The following PID1 variants were observed in gnomAD, a reference collection of about 807,000 sequenced individuals.
PID1 encodes the protein PTB-containing, cubilin and LRP1-interacting protein.
PID1 carries 10 observed loss-of-function variants against 19.1 expected under a neutral mutation model. The ratio of observed to expected loss-of-function variants is 0.52; its 90% CI spans 0.32 to 0.89. The LOEUF (loss-of-function observed/expected upper bound fraction) is 0.89. Ranked by LOEUF, PID1 falls within the 40% of genes least tolerant of loss-of-function variation. PID1 has a pLI of 0.03. For missense variants in PID1, 248 were observed against 285.3 expected, an observed-to-expected ratio of 0.87 and a Z score of 0.94; for synonymous variants, 130 against 116.0, an observed-to-expected ratio of 1.12 and a Z score of -0.78.
intron 2 of PID1, among the ~76,000 whole-genome samples, chr2:229,050,054 A>T (rs1693962577): frequency 6.6e-6 from 1 of 152,204 alleles, no homozygotes; most frequent in Non-Finnish European, 1.5e-5. Context: ...AATATGAAAA[A>T]ATGTCCAAAT....
At chr2:229,261,458 T>C (rs1048158506) in intron 1 of PID1, among the ~76,000 whole-genome samples, 2 of 152,172 alleles carry the variant, frequency 1.3e-5, no homozygotes, top group South Asian at 2.1e-4. Flanking sequence ...TACAGGTGGC[T>C]TGTACAGCAG....
At chr2:229,091,715 A>G (rs185166920) in intron 2 of PID1, among the ~76,000 whole-genome samples, 91 of 152,318 alleles carry the variant, frequency 6.0e-4, no homozygotes, top group African/African-American at 1.9e-3. Flanking sequence ...TACCCAGGCT[A>G]AGGTATTTTG....
At chr2:229,173,674 C>T (rs976399084) in intron 1 of PID1, among the ~76,000 whole-genome samples, 1 of 152,164 alleles carries the variant, frequency 6.6e-6, no homozygotes. Flanking sequence ...CCAGTCATCA[C>T]ATTTCTTAGA....
chr2:229,130,698 C>T (rs149389314), intron 2 of PID1, among the ~76,000 whole-genome samples: 1 of 152,302 alleles, frequency 6.6e-6, no homozygotes, highest in Non-Finnish European at 1.5e-5. Flanking sequence ...CATCTTGCGT[C>T]ATCAGCACCT....
intron 2 of PID1, among the ~76,000 whole-genome samples, chr2:229,094,594 C>T (rs375936200): frequency 6.6e-6 from 1 of 151,878 alleles, no homozygotes; most frequent in South Asian, 2.1e-4. Context: ...AAGTGACACA[C>T]AAACAAGTGG....
intron 2 of PID1, among the ~76,000 whole-genome samples, chr2:229,108,565 T>C (rs1695225220): frequency 6.6e-6 from 1 of 152,176 alleles, no homozygotes; most frequent in Non-Finnish European, 1.5e-5. Flanking sequence ...ATGGTGTCTA[T>C]GCAAAGTCAT....
chr2:229,066,842 G>C (rs763066134), intron 2 of PID1, among the ~76,000 whole-genome samples: 4 of 151,952 alleles, frequency 2.6e-5, no homozygotes, highest in Non-Finnish European at 4.4e-5. Context: ...TGATTTGGCC[G>C]ATCCACTCAT....
At chr2:229,249,040 C>A (rs139674498) in intron 1 of PID1, among the ~76,000 whole-genome samples, 17 of 152,280 alleles carry the variant, frequency 1.1e-4, no homozygotes, top group African/African-American at 3.9e-4. Context: ...AAAACAGATG[C>A]AACTCTGAAC....
intron 2 of PID1, among the ~76,000 whole-genome samples, chr2:229,038,070 G>A (rs1002908442): frequency 3.3e-5 from 5 of 152,152 alleles, no homozygotes; most frequent in Non-Finnish European, 5.9e-5. Context: ...ACAGCATGTG[G>A]TTAGAGGTCA....
At chr2:229,143,341 TATA>T (rs1475197943) in intron 2 of PID1, among the ~76,000 whole-genome samples, 3 of 151,910 alleles carry the variant, frequency 2.0e-5, no homozygotes, top group East Asian at 1.9e-4. Context: ...AAACTTAAAG[TATA>T]ATAATAATAA....
intron 1 of PID1, among the ~76,000 whole-genome samples, chr2:229,239,603 T>C (rs1262568930): frequency 6.6e-6 from 1 of 151,996 alleles, no homozygotes; most frequent in Non-Finnish European, 1.5e-5. Flanking sequence ...AAGAAAAAAA[T>C]TTCACAATAA....
At chr2:229,143,429 T>A (rs13428112) in intron 2 of PID1, among the ~76,000 whole-genome samples, 6,064 of 152,204 alleles carry the variant, frequency 0.04, 147 homozygotes, top group Middle Eastern at 0.061. Context: ...GGTTCCCAAA[T>A]TAGGAGGGCA....
intron 1 of PID1, among the ~76,000 whole-genome samples, chr2:229,257,351 CTCTT>C (rs1224371803): frequency 4.6e-5 from 7 of 152,228 alleles, no homozygotes; most frequent in African/African-American, 1.4e-4. Flanking sequence ...CCATTTCTCT[CTCTT>C]TCTTTGTGTG....
chr2:229,172,485 G>A (rs995026768), intron 1 of PID1, among the ~76,000 whole-genome samples: 10 of 152,162 alleles, frequency 6.6e-5, no homozygotes, highest in Non-Finnish European at 1.3e-4. Context: ...TCCTGGGCTT[G>A]TAGCTGCATT....
chr2:229,227,861 T>G, intron 1 of PID1: 1 of 389,098 alleles, frequency 2.6e-6, no homozygotes, highest in Non-Finnish European at 5.2e-6. Flanking sequence ...TATATAGCAT[T>G]TACACTATAT....
intron 1 of PID1, among the ~76,000 whole-genome samples, chr2:229,177,659 G>A (rs1690852174): frequency 6.6e-6 from 1 of 152,040 alleles, no homozygotes; most frequent in African/African-American, 2.4e-5. Flanking sequence ...ATAAGGAAAG[G>A]ATTCATATGA....
chr2:229,052,538 G>T (rs1047008733), intron 2 of PID1, among the ~76,000 whole-genome samples: 2 of 128,116 alleles, frequency 1.6e-5, no homozygotes, highest in Non-Finnish European at 3.2e-5. Flanking sequence ...ATGGGACTTG[G>T]CTTAGAGAGC....
At chr2:229,209,353 T>C (rs1298192852) in intron 1 of PID1, among the ~76,000 whole-genome samples, 4 of 152,196 alleles carry the variant, frequency 2.6e-5, no homozygotes, top group African/African-American at 7.2e-5. Flanking sequence ...ACCTACTTTG[T>C]AATTAGGTAT....
rs73101249 is a variant in PID1, at chr2:229,126,713, G to A, written c.177+29105C>T. On this transcript the variant is annotated intron_variant, in intron 2 of 2. Coordinates refer to ENST00000392055, the MANE Select transcript of PID1 (RefSeq NM_001100818.2). The stretch of plus-strand genomic sequence containing the variant: ...CATCATCAATTTTGTAAATTTCTTC[G>A]TACCTTTGCTCAAATTTGATCAAAG... Among the ~76,000 whole-genome samples the A allele has an allele frequency of 3.7e-3, 569 of 152,178 alleles. 7 individuals are homozygous for A. Among genetic ancestry groups the A allele is most frequent in the African/African-American group, 0.012 (502 of 41,510 alleles).
Sources: gnomAD v4.1 joint callset for allele counts (sites outside exome capture counted in the v4.1 genomes callset) on GRCh38, gnomAD v4.1.1 for gene constraint, MANE v1.5 for transcripts, NCBI Gene and HGNC (gene_info 2026-07-23, HGNC 2026-07-21) for gene names.